Variants in TANGO6 observed in about 807,000 individuals in gnomAD.
TANGO6 encodes transport and Golgi organization protein 6 homolog.
TANGO6 carries 90 observed loss-of-function variants against 114.2 expected under a neutral mutation model. That is an observed-to-expected ratio of 0.79 (90% CI 0.66 to 0.94). The LOEUF (loss-of-function observed/expected upper bound fraction) is 0.94, where lower values mean the gene tolerates loss of function less well. Ranked by LOEUF, TANGO6 falls within the 40% of genes least tolerant of loss-of-function variation. TANGO6 has a pLI of 0.00. For synonymous variants in TANGO6, 477 were observed against 509.8 expected, an observed-to-expected ratio of 0.94 and a Z score of 0.87; for missense variants, 1,274 against 1,315.3, an observed-to-expected ratio of 0.97 and a Z score of 0.49.
intron 12 of TANGO6, among the ~76,000 whole-genome samples, chr16:68,922,771 A>G (rs1342844554): frequency 1.3e-5 from 2 of 151,900 alleles, no homozygotes; most frequent in African/African-American, 4.8e-5. Flanking sequence ...AACCAAAACC[A>G]TGTTGTTCCA....
At chr16:69,076,283 G>A (rs1484398673) in intron 17 of TANGO6, among the ~76,000 whole-genome samples, 4 of 151,120 alleles carry the variant, frequency 2.6e-5, no homozygotes, top group Non-Finnish European at 4.4e-5. Context: ...GTAGAGACGG[G>A]GTTTCACCAT....
rs1184698292 is a variant in TANGO6 at position 69,083,568 on chromosome 16, T to C, written c.3192T>C (p.His1064=). The C allele has an allele frequency of 3.7e-6, 6 of 1,608,786 alleles. No individual in the cohort carries two copies. In the Admixed American group the frequency reaches 1.0e-4, roughly 27 times the overall value. ...CLEPDDVAKL[H]AQLALEELDD... is the part of the protein sequence containing the mutation. ...AGCCCGATGACGTGGCCAAGCTCCA[T>C]GCCCAGTTGGCCCTAGAAGAGCTGG... Residue 1064 remains histidine (H), a synonymous_variant, in exon 18 of 18, where the codon CAT becomes CAC. Transcript: ENST00000261778.
At chr16:68,918,993 G>A (rs1283493345) in intron 11 of TANGO6, 92 bp from the exon 12 acceptor site, 14 of 1,427,360 alleles carry the variant, frequency 9.8e-6, no homozygotes, top group Admixed American at 4.6e-5. Flanking sequence ...TGATGTAGAT[G>A]AAGAAGATGA....
chr16:68,912,433 A>G (rs1962936132), intron 11 of TANGO6, among the ~76,000 whole-genome samples: 1 of 152,116 alleles, frequency 6.6e-6, no homozygotes, highest in Middle Eastern at 3.4e-3. Context: ...CAGGAGTTTG[A>G]GACCAGCCTG....
At chr16:68,966,770 AT>A (rs772432410) in intron 14 of TANGO6, among the ~76,000 whole-genome samples, 14,381 of 129,056 alleles carry the variant, frequency 0.11, 827 homozygotes, top group African/African-American at 0.22. Context: ...TGTCTGGCTA[AT>A]TTTTTTTTTT....
chr16:68,964,755 G>A (rs545041198), intron 14 of TANGO6, among the ~76,000 whole-genome samples: 101 of 151,436 alleles, frequency 6.7e-4, no homozygotes, highest in Non-Finnish European at 1.2e-3. Flanking sequence ...CAGTAGAGAC[G>A]GGATTTCGCT....
intron 17 of TANGO6, among the ~76,000 whole-genome samples, chr16:69,077,226 A>AT (rs980181632): frequency 1.1e-4 from 16 of 149,896 alleles, no homozygotes; most frequent in Admixed American, 2.0e-4. Flanking sequence ...ATTTTATTTT[A>AT]TTTTTTTTTA....
intron 7 of TANGO6, among the ~76,000 whole-genome samples, chr16:68,891,776 C>G (rs1962624520): frequency 7.2e-6 from 1 of 139,758 alleles, no homozygotes; most frequent in African/African-American, 2.7e-5. Context: ...GTAGCTACAG[C>G]TTAAGGAAGG....
chr16:68,977,461 A>G (rs918072686), intron 15 of TANGO6, among the ~76,000 whole-genome samples: 1 of 151,460 alleles, frequency 6.6e-6, no homozygotes, highest in African/African-American at 2.4e-5. Flanking sequence ...TGGGAGGCCA[A>G]GGCGGGCGGA....
intron 15 of TANGO6, among the ~76,000 whole-genome samples, chr16:68,996,999 G>A (rs1297267159): frequency 1.3e-5 from 2 of 152,176 alleles, no homozygotes; most frequent in Non-Finnish European, 2.9e-5. Context: ...GATTTGGATT[G>A]GGCGAAACAA....
intron 14 of TANGO6, among the ~76,000 whole-genome samples, chr16:68,947,248 G>A (rs1369437399): frequency 6.6e-6 from 1 of 152,058 alleles, no homozygotes; most frequent in African/African-American, 2.4e-5. Context: ...ACGAGGTCAG[G>A]AAATCAAGAC....
At chr16:68,998,086 A>G (rs1597052476) in intron 15 of TANGO6, among the ~76,000 whole-genome samples, 1 of 152,250 alleles carries the variant, frequency 6.6e-6, no homozygotes, top group South Asian at 2.1e-4. Flanking sequence ...AAAGAGTACA[A>G]TGACAATATA....
At chr16:68,909,102 A>G in intron 10 of TANGO6, 109 bp from the exon 11 acceptor site, 1 of 971,168 alleles carries the variant, frequency 1.0e-6, no homozygotes, top group Non-Finnish European at 1.4e-6. Flanking sequence ...CAACAAACAC[A>G]GACTATTTAT....
intron 17 of TANGO6, among the ~76,000 whole-genome samples, chr16:69,059,757 C>T (rs2152239704): frequency 6.6e-6 from 1 of 152,198 alleles, no homozygotes; most frequent in Middle Eastern, 3.4e-3. Context: ...TTTAATTCTC[C>T]TGGGTCAACA....
At chr16:69,058,294 A>G (rs1243464953) in intron 17 of TANGO6, among the ~76,000 whole-genome samples, 1 of 152,146 alleles carries the variant, frequency 6.6e-6, no homozygotes, top group Non-Finnish European at 1.5e-5. Context: ...AATAAATTCC[A>G]TGTCCTCCAA....
At chr16:68,987,514 A>G (rs987251084) in intron 15 of TANGO6, among the ~76,000 whole-genome samples, 2 of 152,058 alleles carry the variant, frequency 1.3e-5, no homozygotes, top group Non-Finnish European at 2.9e-5. Flanking sequence ...GACTACAGGC[A>G]TGTGCCACCA....
intron 6 of TANGO6, 113 bp downstream of exon 6, chr16:68,878,393 C>T: frequency 1.6e-6 from 2 of 1,253,744 alleles, no homozygotes; most frequent in Non-Finnish European, 2.1e-6. Context: ...TCCTTCCCCT[C>T]CCCCCAACTT....
chr16:69,028,875 G>T (rs78654745), intron 16 of TANGO6, among the ~76,000 whole-genome samples: 1 of 137,458 alleles, frequency 7.3e-6, no homozygotes, highest in East Asian at 2.1e-4. Context: ...AAAAAAAAAA[G>T]AAAAAGAAAA....
intron 11 of TANGO6, among the ~76,000 whole-genome samples, chr16:68,914,279 A>G (rs1245411578): frequency 3.3e-5 from 5 of 152,188 alleles, no homozygotes; most frequent in Admixed American, 6.5e-5. Flanking sequence ...TTCCTGCCTC[A>G]GCCTCCAGAG....
Sources: gnomAD v4.1 joint callset for allele counts (sites outside exome capture counted in the v4.1 genomes callset) on GRCh38, gnomAD v4.1.1 for gene constraint, MANE v1.5 for transcripts, NCBI Gene and HGNC (gene_info 2026-07-23, HGNC 2026-07-21) for gene names.